The following TMEM165 variants were observed in gnomAD, a reference collection of about 807,000 sequenced individuals.
TMEM165 encodes the protein transmembrane protein 165.
TMEM165 carries 19 observed loss-of-function variants against 30.0 expected under a neutral mutation model. The ratio of observed to expected loss-of-function variants is 0.63; its 90% CI spans 0.44 to 0.93. The LOEUF is 0.93. Ranked by LOEUF, TMEM165 falls within the 40% of genes least tolerant of loss-of-function variation. The pLI, the probability that TMEM165 is intolerant of heterozygous loss-of-function variation, is 0.00. For missense variants in TMEM165, 340 were observed against 417.0 expected (o/e 0.82, Z 1.61); for synonymous variants, 168 against 162.9 (o/e 1.03, Z -0.24).
At chr4:55,429,698 C>T (rs1023558853), downstream of TMEM165, 1 of 152,236 alleles carries the variant, frequency 6.6e-6, no homozygotes, top group African/African-American at 2.4e-5. Flanking sequence ...TTGGTTCTGT[C>T]ATACTGGCCT....
chr4:55,437,521 T>C (rs560613969), intron 3 of TMEM165, among the ~76,000 whole-genome samples: 1 of 152,324 alleles, frequency 6.6e-6, no homozygotes, highest in East Asian at 1.9e-4. Context: ...CTAAATGATA[T>C]CTGTGTCTAT....
intron 3 of TMEM165, chr4:55,432,185 G>C (rs913763146): frequency 6.6e-6 from 1 of 152,134 alleles, no homozygotes; most frequent in Non-Finnish European, 1.5e-5. Context: ...CATGCTACCT[G>C]CATCTCCCAT....
At chr4:55,415,084 G>C (rs1028466697) in intron 2 of TMEM165, among the ~76,000 whole-genome samples, 7 of 152,130 alleles carry the variant, frequency 4.6e-5, no homozygotes, top group Admixed American at 3.9e-4. Flanking sequence ...CAAAGATTTT[G>C]CATCAATTGA....
exon 4 of TMEM165, chr4:55,453,061 G>A (rs1472492049): frequency 1.2e-6 from 2 of 1,607,292 alleles, no homozygotes; most frequent in Non-Finnish European, 1.7e-6. Context: ...TACTTTGTCA[G>A]CAGCTGTCTC....
At chr4:55,399,963 G>A (rs1578226614) in intron 1 of TMEM165, among the ~76,000 whole-genome samples, 1 of 144,236 alleles carries the variant, frequency 6.9e-6, no homozygotes, top group Non-Finnish European at 1.5e-5. Context: ...ATTTATTATT[G>A]TTTATTCTAA....
Position 55,425,645 on chromosome 4 carries a change from C to CAGAA in TMEM165, c.*193_*194insAGAA. On this transcript the variant is annotated 3_prime_UTR_variant, in exon 6 of 6. Transcript: ENST00000381334. Reference sequence around the variant, plus strand: ...ACAAGGAGTTTTAAAAGAAACCTGACTTCTAAGTGTGGGTTTTTCTTCTCT... The same window carrying CAGAA: ...ACAAGGAGTTTTAAAAGAAACCTGACAGAATTCTAAGTGTGGGTTTTTCTTCTCT... The CAGAA allele has an allele frequency of 2.0e-6, 1 of 504,092 alleles. No individual in the cohort carries two copies. Among genetic ancestry groups the CAGAA allele is most frequent in the Non-Finnish European group, 3.5e-6 (1 of 288,298 alleles). 31.2% of individuals were successfully genotyped at this position (504,092 alleles called of 1,614,324 possible).
chr4:55,439,954 A>G (rs1723216046), intron 3 of TMEM165, among the ~76,000 whole-genome samples: 1 of 152,064 alleles, frequency 6.6e-6, no homozygotes, highest in South Asian at 2.1e-4. Flanking sequence ...GTGACAATGA[A>G]CTGTATATTT....
At chr4:55,421,302 T>C (rs1349994898) in intron 4 of TMEM165, among the ~76,000 whole-genome samples, 9 of 141,682 alleles carry the variant, frequency 6.4e-5, no homozygotes, top group African/African-American at 2.4e-4. Context: ...TCTTTCTTTT[T>C]TTTTTTTTTT....
Position 55,416,982 on chromosome 4 carries a change from A to G in TMEM165, c.434-90A>G. On this transcript the variant is annotated intron_variant, in intron 2 of 5. Transcript: ENST00000381334. ...TTCTAATGTGAACCATTTTTCTTTT[A>G]ACAGTGATAAATTATTATTTCCGAA... 4.3e-6 allele frequency: 5 copies of G among 1,174,012 alleles called. No homozygotes were observed. In the South Asian group the frequency reaches 8.0e-5, roughly 19 times the overall value. 72.7% of individuals were successfully genotyped at this position (1,174,012 alleles called of 1,614,324 possible).
intron 3 of TMEM165, chr4:55,442,658 T>C (rs755218862): frequency 3.2e-6 from 5 of 1,572,070 alleles, no homozygotes; most frequent in Admixed American, 3.4e-5. Context: ...AGAGATTTTA[T>C]AGACAGATTA....
chr4:55,427,913 T>C (rs932533122), downstream of TMEM165: 2 of 152,220 alleles, frequency 1.3e-5, no homozygotes, highest in Non-Finnish European at 2.9e-5. Flanking sequence ...TTGATAGTGA[T>C]CTTAAAATAT....
chr4:55,448,236 C>T (rs1485798644), intron 3 of TMEM165, among the ~76,000 whole-genome samples: 2 of 152,092 alleles, frequency 1.3e-5, no homozygotes, highest in African/African-American at 4.8e-5. Context: ...ATCTGCAATG[C>T]CTGTTACACA....
At position 55,450,096 on chromosome 4, in the gene TMEM165, G is replaced by T. The variant is rs762379846; in HGVS notation, c.409-2143G>T. ...TTTGAAGCAAGGGTACTCACAGGAAGGGTCTGAGACGGCCGTGTGAGATGA... is the reference window on the plus strand; with the variant it reads ...TTTGAAGCAAGGGTACTCACAGGAATGGTCTGAGACGGCCGTGTGAGATGA... On this transcript the variant is annotated intron_variant, in intron 3 of 3. Coordinates refer to the TMEM165 transcript ENST00000608091. The T allele has an allele frequency of 2.5e-6, 4 of 1,614,026 alleles. No homozygotes were observed. The African/African-American group carries it at 4.0e-5, about 16-fold the overall frequency.
chr4:55,409,365 GT>G (rs1721393031), intron 1 of TMEM165, among the ~76,000 whole-genome samples: 1 of 152,028 alleles, frequency 6.6e-6, no homozygotes, highest in Non-Finnish European at 1.5e-5. Context: ...TAATAAATCT[GT>G]TTTTACGCTG....
chr4:55,426,860 A>AAGTT (rs1178926805), downstream of TMEM165, among the ~76,000 whole-genome samples: 1 of 152,200 alleles, frequency 6.6e-6, no homozygotes, highest in Non-Finnish European at 1.5e-5. Context: ...CTTAAATGCC[A>AAGTT]AGTTAGAAGT....
At chr4:55,402,131 A>AAAAAAAAAAAAAAAAAAG (rs1553885130) in intron 1 of TMEM165, among the ~76,000 whole-genome samples, 3 of 147,680 alleles carry the variant, frequency 2.0e-5, no homozygotes, top group African/African-American at 7.8e-5. Flanking sequence ...AAAAAAAAAA[A>AAAAAAAAAAAAAAAAAAG]GAAACTAAAC....
At chr4:55,438,150 T>C in intron 3 of TMEM165, 5 of 1,193,842 alleles carry the variant, frequency 4.2e-6, no homozygotes, top group Non-Finnish European at 5.9e-6. Context: ...CTTTCTATCT[T>C]TGTAGAGATT....
chr4:55,431,448 C>CA (rs1259749359), intron 3 of TMEM165: 1 of 152,202 alleles, frequency 6.6e-6, no homozygotes, highest in Non-Finnish European at 1.5e-5. Flanking sequence ...AAAGCTCACC[C>CA]AATCCAAACT....
chr4:55,421,063 TC>T (rs1367970400), intron 4 of TMEM165, among the ~76,000 whole-genome samples: 1 of 147,976 alleles, frequency 6.8e-6, no homozygotes, highest in Non-Finnish European at 1.5e-5. Context: ...ACGCCTGTAG[TC>T]CCAGCTACTC....
Sources: allele counts gnomAD v4.1 joint callset (sites outside exome capture counted in the v4.1 genomes callset), GRCh38; gene constraint gnomAD v4.1.1; transcripts MANE v1.5; gene names NCBI Gene and HGNC (gene_info 2026-07-23, HGNC 2026-07-21).